PLXDC2: variants seen among roughly 807,000 people sequenced by gnomAD.
The protein encoded by PLXDC2 is plexin domain containing 2.
A neutral mutation model predicts 68.9 loss-of-function variants in PLXDC2; 40 were observed. That is an observed-to-expected ratio of 0.58 (90% CI 0.45 to 0.76). The LOEUF (loss-of-function observed/expected upper bound fraction) is 0.76, where lower values mean the gene tolerates loss of function less well. Ranked by LOEUF, PLXDC2 falls within the 30% of genes least tolerant of loss-of-function variation. PLXDC2 has a pLI of 0.00. For synonymous variants in PLXDC2, 243 were observed against 234.2 expected, an observed-to-expected ratio of 1.04 and a Z score of -0.34; for missense variants, 644 against 661.9, an observed-to-expected ratio of 0.97 and a Z score of 0.30.
chr10:20,054,110 G>A (rs543187245), intron 3 of PLXDC2, among the ~76,000 whole-genome samples: 20 of 152,142 alleles, frequency 1.3e-4, no homozygotes, highest in African/African-American at 4.6e-4. Context: ...TGAGCAAGAC[G>A]GAAAATTTGG....
At chr10:20,024,085 A>T (rs1835357272) in intron 2 of PLXDC2, among the ~76,000 whole-genome samples, 1 of 152,140 alleles carries the variant, frequency 6.6e-6, no homozygotes, top group Non-Finnish European at 1.5e-5. Context: ...TCTGGGGGAA[A>T]TTTCCACCTA....
At position 19,966,267 on chromosome 10, in the gene PLXDC2, GTACACATATATGTGTATATA is replaced by G. The variant is rs533645630; in HGVS notation, c.113-35490_113-35471del. Among the ~76,000 whole-genome samples, 206 of 146,040 alleles carry G rather than the reference GTACACATATATGTGTATATA, an allele frequency of 1.4e-3. 3 individuals are homozygous for G. Among genetic ancestry groups the G allele is most frequent in the African/African-American group, 4.9e-3 (196 of 39,758 alleles). ...AGATATGTGTATATAGTATGTGTAA[GTACACATATATGTGTATATA>G]TACACATATATGTGTATCAGCCATT... On this transcript the variant is annotated intron_variant, in intron 1 of 13. Transcript: ENST00000377252.
chr10:20,081,421 A>G (rs1344173235), intron 4 of PLXDC2, among the ~76,000 whole-genome samples: 3 of 97,156 alleles, frequency 3.1e-5, no homozygotes, highest in African/African-American at 1.7e-4. Context: ...AAAAAATGAA[A>G]AAAACAAAAA....
chr10:20,087,051 A>G (rs10764199), intron 4 of PLXDC2, among the ~76,000 whole-genome samples: 31,468 of 152,160 alleles, frequency 0.21, 3,949 homozygotes, highest in African/African-American at 0.35. Flanking sequence ...TGAAGACGCA[A>G]CAAAAATAAA....
At chr10:20,013,776 T>C (rs1040698342) in intron 2 of PLXDC2, among the ~76,000 whole-genome samples, 1 of 152,204 alleles carries the variant, frequency 6.6e-6, no homozygotes, top group African/African-American at 2.4e-5. Flanking sequence ...GATCATCTTC[T>C]TTTTCTTTAA....
intron 1 of PLXDC2, among the ~76,000 whole-genome samples, chr10:19,826,051 A>G (rs1030702217): frequency 1.3e-5 from 2 of 152,240 alleles, no homozygotes; most frequent in Admixed American, 6.5e-5. Context: ...CTGCATTGCA[A>G]AATATCCCAA....
At chr10:20,267,126 A>G (rs72795935) in intron 13 of PLXDC2, among the ~76,000 whole-genome samples, 3,217 of 152,324 alleles carry the variant, frequency 0.021, 53 homozygotes, top group Middle Eastern at 0.071. Flanking sequence ...AGACATTTTT[A>G]TACAAATCTT....
intron 2 of PLXDC2, among the ~76,000 whole-genome samples, chr10:20,012,303 C>CTCTCTCTT (rs1835129350): frequency 1.5e-5 from 1 of 65,592 alleles, no homozygotes; most frequent in African/African-American, 7.6e-5. Flanking sequence ...CTCTCTCTCT[C>CTCTCTCTT]TTTTTTATTT....
At position 19,852,425 on chromosome 10, in the gene PLXDC2, C is replaced by CAAAAA. The variant is rs61430454; in HGVS notation, c.112+35270_112+35274dup. Among the ~76,000 whole-genome samples the CAAAAA allele has an allele frequency of 1.1e-3, 67 of 61,932 alleles. 4 individuals are homozygous for CAAAAA. The highest frequency in any genetic ancestry group is 1.5e-3 in the Non-Finnish European group (51 of 34,618). The allele number at this position is 61,932 out of a possible 152,430, so 40.6% of individuals were successfully genotyped here. Reference sequence around the variant, plus strand: ...TGGGTGACAGAGCAAGACCCTGTCTCAAAAAAAAAAAAAAAAAAAAAAAAA... The same window carrying CAAAAA: ...TGGGTGACAGAGCAAGACCCTGTCTCAAAAAAAAAAAAAAAAAAAAAAAAAAAAAA... On this transcript the variant is annotated intron_variant, in intron 1 of 13. Transcript: ENST00000377252.
At chr10:20,070,317 G>T (rs142011367) in intron 4 of PLXDC2, among the ~76,000 whole-genome samples, 5 of 152,306 alleles carry the variant, frequency 3.3e-5, no homozygotes, top group African/African-American at 1.2e-4. Flanking sequence ...AACTATTTGT[G>T]TGAAAAATAT....
intron 13 of PLXDC2, among the ~76,000 whole-genome samples, chr10:20,255,653 G>C (rs1208440067): frequency 6.6e-6 from 1 of 151,868 alleles, no homozygotes; most frequent in African/African-American, 2.4e-5. Flanking sequence ...TATTATTACG[G>C]CATATTCTGG....
At chr10:19,966,370 A>AAAAATATATACGTGCACATATAT (rs1834253751) in intron 1 of PLXDC2, among the ~76,000 whole-genome samples, 1 of 133,478 alleles carries the variant, frequency 7.5e-6, no homozygotes, top group Admixed American at 7.4e-5. Flanking sequence ...CACATATATA[A>AAAAATATATACGTGCACATATAT]AAAATATATA....
At chr10:20,095,604 T>G (rs1188544475) in intron 4 of PLXDC2, among the ~76,000 whole-genome samples, 2 of 152,158 alleles carry the variant, frequency 1.3e-5, no homozygotes, top group African/African-American at 2.4e-5. Flanking sequence ...GATTAAGGAC[T>G]AGTTCGTGGC....
chr10:19,986,273 C>T (rs1180100706), intron 1 of PLXDC2, among the ~76,000 whole-genome samples: 5 of 151,798 alleles, frequency 3.3e-5, no homozygotes, highest in Non-Finnish European at 7.4e-5. Flanking sequence ...TAAATACAGT[C>T]GAGTTAGGAT....
chr10:20,038,193 G>A (rs1045046621), intron 2 of PLXDC2, among the ~76,000 whole-genome samples: 1 of 151,758 alleles, frequency 6.6e-6, no homozygotes, highest in African/African-American at 2.4e-5. Context: ...CTGAGATCAC[G>A]CCACCGCATT....
chr10:20,066,915 T>A (rs1836221083), intron 3 of PLXDC2, among the ~76,000 whole-genome samples: 1 of 152,146 alleles, frequency 6.6e-6, no homozygotes, highest in Non-Finnish European at 1.5e-5. Flanking sequence ...TTTGTACATG[T>A]GTGCTGTTGG....
At chr10:20,112,171 T>G (rs1337716846) in intron 4 of PLXDC2, among the ~76,000 whole-genome samples, 1 of 152,142 alleles carries the variant, frequency 6.6e-6, no homozygotes, top group African/African-American at 2.4e-5. Flanking sequence ...ATTTCTGACT[T>G]CCAGCCTCCA....
intron 1 of PLXDC2, among the ~76,000 whole-genome samples, chr10:19,930,682 G>T (rs564213916): frequency 1.3e-5 from 2 of 152,108 alleles, no homozygotes; most frequent in South Asian, 2.1e-4. Context: ...TAAAAAAAAG[G>T]CTGGCACGGT....
chr10:20,136,500 C>T (rs1833934801), intron 4 of PLXDC2, among the ~76,000 whole-genome samples: 2 of 152,144 alleles, frequency 1.3e-5, no homozygotes, highest in South Asian at 4.1e-4. Flanking sequence ...CTGAGCTATT[C>T]ACAATAACTG....
Sources: allele counts gnomAD v4.1 joint callset (sites outside exome capture counted in the v4.1 genomes callset), GRCh38; gene constraint gnomAD v4.1.1; transcripts MANE v1.5; gene names NCBI Gene and HGNC (gene_info 2026-07-23, HGNC 2026-07-21).